Variants in PTBP1 observed in about 807,000 individuals in gnomAD.
PTBP1 encodes the protein polypyrimidine tract binding protein 1.
PTBP1 carries 8 observed loss-of-function variants against 59.8 expected under a neutral mutation model. The observed-to-expected ratio is 0.13, with a 90% confidence interval of 0.08 to 0.24. The LOEUF is 0.24. Among genes scored for constraint, PTBP1 ranks in the 10% least tolerant of loss-of-function variants. The pLI is 1.00. For missense variants in PTBP1, 686 were observed against 767.0 expected (o/e 0.89, Z 1.25); for synonymous variants, 490 against 320.7 (o/e 1.53, Z -5.64).
intron 1 of PTBP1, among the ~76,000 whole-genome samples, chr19:797,852 G>C (rs1392318270): frequency 2.7e-5 from 4 of 147,914 alleles, no homozygotes; most frequent in Admixed American, 6.7e-5. Flanking sequence ...TCCGGCCCTC[G>C]CGCGCCCGGA....
chr19:807,925 A>C, intron 11 of PTBP1, 23 bp downstream of exon 11: 1 of 1,601,666 alleles, frequency 6.2e-7, no homozygotes. Flanking sequence ...TCACACTTTT[A>C]TTACCTTGTT....
At chr19:802,649 C>G (rs982261055) in intron 2 of PTBP1, among the ~76,000 whole-genome samples, 3 of 152,172 alleles carry the variant, frequency 2.0e-5, no homozygotes, top group Non-Finnish European at 4.4e-5. Context: ...GCTTTGCAGA[C>G]CAAGCGCCTG....
In PTBP1 at chr19:811,858, G is replaced by A. The variant is rs1420222111; in HGVS notation, c.*1032G>A. The A allele has an allele frequency of 6.6e-6, 1 of 152,372 alleles. No homozygotes were observed. Among genetic ancestry groups the A allele is most frequent in the African/African-American group, 2.4e-5 (1 of 41,426 alleles). 9.4% of individuals were successfully genotyped at this position (152,372 alleles called of 1,614,324 possible). A position where few individuals can be genotyped will look rare whatever the true frequency, so the allele number is the denominator to read the frequency against. On this transcript the variant is annotated 3_prime_UTR_variant, in exon 15 of 15. Transcript: ENST00000356948. ...GGGTTTTTTCTTCCTTCAAATTTTG[G>A]ACCAAAGTCTCATTTCTGTGTTTTG...
At chr19:797,904 G>A (rs1334718598) in intron 1 of PTBP1, among the ~76,000 whole-genome samples, 4 of 148,694 alleles carry the variant, frequency 2.7e-5, no homozygotes, top group Admixed American at 6.7e-5. Flanking sequence ...GTGCGCCTGC[G>A]TAGCCCGTCG....
chr19:806,584 G>C, intron 10 of PTBP1, 28 bp downstream of exon 10: 1 of 1,471,812 alleles, frequency 6.8e-7, no homozygotes, highest in Non-Finnish European at 9.0e-7. Flanking sequence ...CCGCGCCGCC[G>C]TTCCTCCCGG....
chr19:805,777 G>A, intron 9 of PTBP1: 1 of 583,480 alleles, frequency 1.7e-6, no homozygotes, highest in Non-Finnish European at 3.1e-6. Flanking sequence ...ACGTGTGGAC[G>A]GCGCCAGCCA....
At chr19:801,633 G>A (rs2034338225) in intron 2 of PTBP1, among the ~76,000 whole-genome samples, 2 of 152,232 alleles carry the variant, frequency 1.3e-5, no homozygotes, top group South Asian at 2.1e-4. Context: ...GGACGGGGTC[G>A]GCTCCTGGGC....
intron 2 of PTBP1, among the ~76,000 whole-genome samples, chr19:801,263 G>A (rs909675229): frequency 2.0e-5 from 3 of 152,194 alleles, no homozygotes; most frequent in Non-Finnish European, 2.9e-5. Flanking sequence ...CAGTGGAGGC[G>A]CTAGGCCCAG....
rs61757783 is a variant in PTBP1, at chr19:804,142, A to T, written c.222A>T (p.Glu74Asp). The T allele has an allele frequency of 2.5e-6, 4 of 1,613,788 alleles. No individual in the cohort carries two copies. The highest frequency in any genetic ancestry group is 3.4e-6 in the Non-Finnish European group (4 of 1,179,808). Residue 74 changes from glutamate (E) to aspartate (D), a missense_variant, in exon 4 of 15, where the codon GAA becomes GAT. Glu to Asp is a conservative substitution (Grantham distance 45, BLOSUM62 2). Coordinates refer to ENST00000356948, the MANE Select transcript of PTBP1 (RefSeq NM_002819.5). ...RKLPIDVTEG[E>D]VISLGLPFGK... ...TCCCCATCGACGTCACGGAGGGGGA[A>T]GTCATCTCCCTGGGGCTGCCCTTTG...
chr19:804,335 T>C lies in PTBP1; in HGVS notation c.332T>C (p.Val111Ala), dbSNP rs1599228200. ...MNTEEAANTM[V>A]NYYTSVTPVL... ...ACGGAGGAGGCTGCCAACACCATGG[T>C]GAACTACTACACCTCGGTGACCCCT... Residue 111 changes from valine to alanine, a missense_variant, in exon 5 of 15, where the codon GTG becomes GCG. By Grantham distance (64) the Val-to-Ala change is moderately conservative (BLOSUM62 0). Coordinates refer to ENST00000356948, the MANE Select transcript of PTBP1 (RefSeq NM_002819.5). 1.2e-6 allele frequency: 2 copies of C among 1,613,644 alleles called. No homozygotes were observed. Among genetic ancestry groups the C allele is most frequent in the Non-Finnish European group, 1.7e-6 (2 of 1,179,972 alleles).
chr19:810,583 A>G lies in PTBP1; in HGVS notation c.1504A>G (p.Ser502Gly), dbSNP rs762327839. The G allele has an allele frequency of 7.9e-5, 127 of 1,613,574 alleles. No homozygotes were observed. The highest frequency in any genetic ancestry group is 1.0e-4 in the Non-Finnish European group (120 of 1,179,892). ...SEEDLKVLFS[S>G]NGGVVKGFKF... ...GGAGGATCTCAAGGTCCTGTTTTCC[A>G]GCAATGGGGGCGTCGTCAAAGGATT... is the stretch of plus-strand genomic sequence containing the variant. Residue 502 changes from serine (S) to glycine (G), a missense_variant, in exon 14 of 15, where the codon AGC becomes GGC. Ser to Gly is a moderately conservative substitution (Grantham distance 56). Transcript: ENST00000356948.
In PTBP1 at chr19:804,561, C is replaced by G; in HGVS notation, c.465C>G (p.Asn155Lys). 3 of 1,607,896 alleles carry G rather than the reference C, an allele frequency of 1.9e-6. No homozygotes were observed. The highest frequency in any genetic ancestry group is 2.5e-6 in the Non-Finnish European group (3 of 1,178,696). ...ARAQAALQAV[N>K]SVQSGNLALA... ...CCCAGGCGGCCCTGCAGGCGGTGAA[C>G]TCGGTCCAGTCGGGGAACCTGGCCT... The change falls in exon 6 of 15, where the codon AAC (asparagine) becomes AAG (lysine). Residue 155 changes from asparagine (N) to lysine (K), a missense_variant. Coordinates refer to ENST00000356948, the MANE Select transcript of PTBP1 (RefSeq NM_002819.5).
Position 808,256 on chromosome 19 carries a change from C to A in PTBP1, c.1154-104C>A. 1.0e-6 allele frequency: 1 copy of A among 983,982 alleles called. No individual in the cohort carries two copies. The highest frequency in any genetic ancestry group is 1.6e-6 in the Non-Finnish European group (1 of 643,578). 61.0% of individuals were successfully genotyped at this position (983,982 alleles called of 1,614,324 possible). On this transcript the variant is annotated intron_variant, in intron 11 of 14. Coordinates refer to ENST00000356948, the MANE Select transcript of PTBP1 (RefSeq NM_002819.5). This position sits in a 1 kb window ranked among gnomAD's most constrained non-coding sequence, Gnocchi z 4.7. ...GCAGTGGCCGATAAAGCAAACCCGG[C>A]CGGGCTGAGCCGGGCCTTGTGGGGG...
rs759034696 is a variant in PTBP1 at position 804,132 on chromosome 19, C to T, written c.212C>T (p.Thr71Met). 1.9e-5 allele frequency: 30 copies of T among 1,613,706 alleles called. No individual in the cohort carries two copies. Among genetic ancestry groups the T allele is most frequent in the Admixed American group, 3.3e-5 (2 of 59,958 alleles). Residue 71 changes from threonine (T) to methionine (M), a missense_variant, in exon 4 of 15, where the codon ACG becomes ATG. Thr to Met is a moderately conservative substitution (Grantham distance 81). Coordinates refer to ENST00000356948, the MANE Select transcript of PTBP1 (RefSeq NM_002819.5). The part of the protein sequence containing the change: ...IHIRKLPIDV[T>M]EGEVISLGLP... The stretch of plus-strand genomic sequence containing the variant: ...ATCCGGAAGCTCCCCATCGACGTCA[C>T]GGAGGGGGAAGTCATCTCCCTGGGG...
At chr19:803,468 C>T in intron 2 of PTBP1, 93 bp from the exon 3 acceptor site, 2 of 1,084,284 alleles carry the variant, frequency 1.8e-6, no homozygotes, top group South Asian at 1.3e-5. Flanking sequence ...TCTGGGACCC[C>T]AGGCAGCCCA....
Position 798,111 on chromosome 19 carries a change from G to A in PTBP1, c.8+606G>A, listed in dbSNP as rs969453622. Among the ~76,000 whole-genome samples the A allele has an allele frequency of 7.6e-4, 115 of 152,034 alleles. 1 individual carries two copies. The highest frequency in any genetic ancestry group is 1.6e-3 in the Admixed American group (24 of 15,292). On this transcript the variant is annotated intron_variant, in intron 1 of 14. Coordinates refer to ENST00000356948, the MANE Select transcript of PTBP1 (RefSeq NM_002819.5). ...TCCCCGCCCTACCCCTGCCCCCCGT[G>A]CGCCCCGGGCCGCGGCCAAGGGGTT...
intron 1 of PTBP1, chr19:798,337 C>G (rs1167047488): frequency 1.3e-5 from 2 of 152,220 alleles, no homozygotes; most frequent in African/African-American, 4.8e-5. Context: ...AAGGCCGTGT[C>G]CCGCCGAGCG....
At chr19:800,640 A>G (rs1244008318) in intron 2 of PTBP1, among the ~76,000 whole-genome samples, 1 of 152,206 alleles carries the variant, frequency 6.6e-6, no homozygotes, top group Non-Finnish European at 1.5e-5. Flanking sequence ...GTTTTTCCCA[A>G]GTGGACTGCT....
Position 811,091 on chromosome 19 carries a change from T to C in PTBP1, c.*265T>C, listed in dbSNP as rs2145043495. The C allele has an allele frequency of 2.7e-6, 1 of 370,870 alleles. No homozygotes were observed. Among genetic ancestry groups the C allele is most frequent in the South Asian group, 5.7e-5 (1 of 17,402 alleles). The allele number at this position is 370,870 out of a possible 1,614,324, so 23.0% of individuals were successfully genotyped here. A position where few individuals can be genotyped will look rare whatever the true frequency, so the allele number is the denominator to read the frequency against. Reference sequence around the variant, plus strand: ...GGGCCAGACCCTCGGGGCCATGCCTTGGTGGGGCCTGTGTCGGGCGTGGGG... The same window carrying C: ...GGGCCAGACCCTCGGGGCCATGCCTCGGTGGGGCCTGTGTCGGGCGTGGGG... On this transcript the variant is annotated 3_prime_UTR_variant, in exon 15 of 15. Coordinates refer to ENST00000356948, the MANE Select transcript of PTBP1 (RefSeq NM_002819.5).
Sources: allele counts gnomAD v4.1 joint callset (sites outside exome capture counted in the v4.1 genomes callset), GRCh38; gene constraint gnomAD v4.1.1; non-coding constraint Gnocchi (gnomAD v3.1); transcripts MANE v1.5; gene names NCBI Gene and HGNC (gene_info 2026-07-23, HGNC 2026-07-21).